The following KATNIP variants were observed in gnomAD, a reference collection of about 807,000 sequenced individuals.
The protein encoded by KATNIP is katanin interacting protein.
In KATNIP, 126 loss-of-function variants were observed where a neutral mutation model predicts 174.0. The observed-to-expected ratio is 0.72, with a 90% confidence interval of 0.63 to 0.84. KATNIP has a LOEUF of 0.84. Among genes scored for constraint, KATNIP ranks in the 40% least tolerant of loss-of-function variants. The pLI, the probability that KATNIP is intolerant of heterozygous loss-of-function variation, is 0.00. For missense variants in KATNIP, 1,958 were observed against 2,109.7 expected (o/e 0.93, Z 1.41); for synonymous variants, 810 against 835.7 (o/e 0.97, Z 0.53).
At chr16:27,657,834 C>T (rs942661677) in intron 6 of KATNIP, among the ~76,000 whole-genome samples, 8 of 152,112 alleles carry the variant, frequency 5.3e-5, no homozygotes, top group Admixed American at 1.3e-4. Flanking sequence ...TGCTTGATCC[C>T]GGGAGTCGGA....
At chr16:27,577,299 T>G (rs1310524639) in intron 2 of KATNIP, among the ~76,000 whole-genome samples, 1 of 152,090 alleles carries the variant, frequency 6.6e-6, no homozygotes, top group South Asian at 2.1e-4. Flanking sequence ...CCCAGCACTT[T>G]GGGAGACTGA....
At chr16:27,687,631 A>G (rs914676387) in intron 8 of KATNIP, 2 of 152,210 alleles carry the variant, frequency 1.3e-5, no homozygotes, top group African/African-American at 4.8e-5. Flanking sequence ...AAAAGCTAAT[A>G]TAATCTCCTT....
chr16:27,572,609 G>T (rs2090349157), intron 1 of KATNIP, among the ~76,000 whole-genome samples: 1 of 152,110 alleles, frequency 6.6e-6, no homozygotes, highest in African/African-American at 2.4e-5. Flanking sequence ...ATTGGCTGCA[G>T]TTGGGTCAGA....
intron 15 of KATNIP, among the ~76,000 whole-genome samples, chr16:27,743,110 T>G (rs2081168321): frequency 6.6e-6 from 1 of 152,156 alleles, no homozygotes; most frequent in African/African-American, 2.4e-5. Context: ...ACATGTGGTG[T>G]TTGGTTTTCT....
chr16:27,733,758 T>C (rs1365638489), intron 14 of KATNIP, among the ~76,000 whole-genome samples: 2 of 152,118 alleles, frequency 1.3e-5, no homozygotes, highest in African/African-American at 4.8e-5. Context: ...AGGCTGGTTC[T>C]TGAGGAGAGA....
At chr16:27,627,532 A>G (rs1169829340) in intron 3 of KATNIP, among the ~76,000 whole-genome samples, 2 of 152,224 alleles carry the variant, frequency 1.3e-5, no homozygotes, top group Non-Finnish European at 2.9e-5. Context: ...ATGTGAACAA[A>G]GACTCACAGG....
chr16:27,724,924 G>C (rs929075805), intron 14 of KATNIP, among the ~76,000 whole-genome samples: 1 of 152,198 alleles, frequency 6.6e-6, no homozygotes, highest in African/African-American at 2.4e-5. Context: ...CTAGAAAAAG[G>C]GGAGTCTCTT....
chr16:27,550,240 C>T, intron 1 of KATNIP, 63 bp downstream of exon 1: 1 of 1,571,332 alleles, frequency 6.4e-7, no homozygotes, highest in East Asian at 2.3e-5. Flanking sequence ...CCCGACCGCG[C>T]TTTGGGCAGA....
chr16:27,625,155 A>G (rs1416778326), intron 3 of KATNIP, among the ~76,000 whole-genome samples: 1 of 152,242 alleles, frequency 6.6e-6, no homozygotes, highest in Non-Finnish European at 1.5e-5. Flanking sequence ...CCACCTGGAT[A>G]TTACTGATGC....
rs1268391117 is a variant in KATNIP at position 27,749,629 on chromosome 16, G to A, written c.2669G>A (p.Ser890Asn). 3.1e-5 allele frequency: 49 copies of A among 1,560,974 alleles called. No individual in the cohort carries two copies. The highest frequency in any genetic ancestry group is 4.1e-5 in the Non-Finnish European group (47 of 1,154,766). The change falls in exon 16 of 28, where the codon AGT becomes AAT. Residue 890 changes from serine (S) to asparagine (N), a missense_variant. Physicochemically the swap from Ser to Asn is conservative, Grantham distance 46. This residue lies in a region of KATNIP where 1,557 missense variants were observed against 1,617.8 expected (regional missense o/e 0.96). Transcript: ENST00000261588. ...SRTPSRSRWR[S>N]EQEHTLHESW... The stretch of plus-strand genomic sequence containing the variant: ...ACGCCGTCACGGTCAAGGTGGCGCA[G>A]TGAGCAGGAGCACACACTTCACGAG...
At chr16:27,753,423 G>A (rs992961722) in intron 17 of KATNIP, among the ~76,000 whole-genome samples, 1 of 152,078 alleles carries the variant, frequency 6.6e-6, no homozygotes, top group Admixed American at 6.5e-5. Flanking sequence ...GACTCTGATG[G>A]GCCCAGCGCT....
At chr16:27,753,783 C>G (rs1396203065) in intron 17 of KATNIP, among the ~76,000 whole-genome samples, 2 of 147,050 alleles carry the variant, frequency 1.4e-5, no homozygotes, top group Non-Finnish European at 3.0e-5. Context: ...CCTTCCTTTC[C>G]TCCTTCCTTC....
intron 17 of KATNIP, 105 bp downstream of exon 17, chr16:27,752,029 G>A (rs1360271200): frequency 1.7e-5 from 14 of 800,020 alleles, no homozygotes; most frequent in Middle Eastern, 3.8e-4. Flanking sequence ...TAAGCTGCTG[G>A]TGCCACTGTG....
At chr16:27,696,389 C>T (rs1366045570) in intron 8 of KATNIP, among the ~76,000 whole-genome samples, 1 of 151,976 alleles carries the variant, frequency 6.6e-6, no homozygotes, top group East Asian at 1.9e-4. Flanking sequence ...AGGTTTGTTA[C>T]ATAGGTCAAC....
chr16:27,701,088 T>C (rs964001), intron 10 of KATNIP, among the ~76,000 whole-genome samples: 27,483 of 152,172 alleles, frequency 0.18, 2,792 homozygotes, highest in African/African-American at 0.28. Context: ...GTTACTGGAA[T>C]TCTTCATAGA....
intron 24 of KATNIP, 98 bp downstream of exon 24, chr16:27,775,182 A>G (rs1343395306): frequency 1.4e-6 from 2 of 1,436,892 alleles, no homozygotes; most frequent in Non-Finnish European, 1.9e-6. Context: ...TTCCAGGTCA[A>G]GTTAATCTCA....
In KATNIP at chr16:27,708,791, G is replaced by T. The variant is rs758190207; in HGVS notation, c.1476G>T (p.Trp492Cys). 3 of 1,613,912 alleles carry T rather than the reference G, an allele frequency of 1.9e-6. No individual in the cohort carries two copies. In the South Asian group the frequency reaches 3.3e-5, roughly 18 times the overall value. The change falls in exon 13 of 28, where the codon TGG (tryptophan) becomes TGT (cysteine). Residue 492 changes from tryptophan to cysteine, a missense_variant. This residue lies in a region of KATNIP where 1,557 missense variants were observed against 1,617.8 expected (regional missense o/e 0.96). Coordinates refer to ENST00000261588, the MANE Select transcript of KATNIP (RefSeq NM_015202.5). ...TGTCCAACTGGGGCAACTCGTGGTG[G>T]GTGGGTCTCACAGAAGTCGAGTTCT... ...EILSNWGNSW[W>C]VGLTEVEFFD...
chr16:27,762,466 A>T (rs972981729), intron 19 of KATNIP, among the ~76,000 whole-genome samples: 3 of 152,084 alleles, frequency 2.0e-5, no homozygotes, highest in Non-Finnish European at 1.5e-5. Context: ...CGATGTGGAG[A>T]CTGAAATATG....
chr16:27,688,773 TGATGGCCTAGA>T (rs1216251210), intron 8 of KATNIP, among the ~76,000 whole-genome samples: 1 of 152,202 alleles, frequency 6.6e-6, no homozygotes, highest in Non-Finnish European at 1.5e-5. Context: ...GGCATTTCAT[TGATGGCCTAGA>T]GATGGCCCCC....
Sources: allele counts gnomAD v4.1 joint callset (sites outside exome capture counted in the v4.1 genomes callset), GRCh38; gene constraint gnomAD v4.1.1; regional missense constraint gnomAD v4.1.1; transcripts MANE v1.5; gene names NCBI Gene and HGNC (gene_info 2026-07-23, HGNC 2026-07-21).